The following SEMA6D variants were observed in gnomAD, a reference collection of about 807,000 sequenced individuals.
SEMA6D encodes semaphorin 6D.
In SEMA6D, 35 loss-of-function variants were observed where a neutral mutation model predicts 106.6. The observed-to-expected ratio is 0.33, with a 90% CI of 0.25 to 0.44. SEMA6D has a LOEUF of 0.44. Among genes scored for constraint, SEMA6D ranks in the 20% least tolerant of loss-of-function variants. The pLI is 1.00. For missense variants in SEMA6D, 1,185 were observed against 1,345.9 expected (o/e 0.88, Z 1.87); for synonymous variants, 499 against 487.7 (o/e 1.02, Z -0.31).
chr15:47,634,285 G>C (rs2077342205), intron 4 of SEMA6D, among the ~76,000 whole-genome samples: 1 of 152,154 alleles, frequency 6.6e-6, no homozygotes, highest in Non-Finnish European at 1.5e-5. Context: ...TGGTGCTGCT[G>C]ACCCTTCCTA....
intron 1 of SEMA6D, among the ~76,000 whole-genome samples, chr15:47,219,715 C>T (rs530516259): frequency 2.0e-5 from 3 of 152,340 alleles, no homozygotes; most frequent in East Asian, 3.9e-4. Context: ...GCTATTGCTA[C>T]ATAACAAACC....
At chr15:47,297,687 G>A (rs2035859717) in intron 1 of SEMA6D, among the ~76,000 whole-genome samples, 1 of 152,106 alleles carries the variant, frequency 6.6e-6, no homozygotes, top group African/African-American at 2.4e-5. Context: ...CACAAAATGA[G>A]TGTCCATTGT....
intron 1 of SEMA6D, among the ~76,000 whole-genome samples, chr15:47,372,846 G>A (rs187665899): frequency 1.9e-4 from 29 of 152,226 alleles, no homozygotes; most frequent in African/African-American, 6.5e-4. Context: ...AATTCTAGTC[G>A]ATAATCATAG....
chr15:47,356,743 A>G (rs1244785866), intron 1 of SEMA6D, among the ~76,000 whole-genome samples: 1 of 152,128 alleles, frequency 6.6e-6, no homozygotes, highest in African/African-American at 2.4e-5. Flanking sequence ...TCTTCTGTCA[A>G]GGCTGTCCAC....
intron 1 of SEMA6D, among the ~76,000 whole-genome samples, chr15:47,758,519 C>A (rs2081893279): frequency 6.6e-6 from 1 of 152,046 alleles, no homozygotes; most frequent in Non-Finnish European, 1.5e-5. Flanking sequence ...CCCAACAGGG[C>A]CCTAATTCAT....
chr15:47,552,900 A>ATTTT (rs1566883145), intron 3 of SEMA6D, among the ~76,000 whole-genome samples: 5 of 102,268 alleles, frequency 4.9e-5, no homozygotes, highest in South Asian at 5.6e-4. Context: ...AAATATATAT[A>ATTTT]TATATAAATA....
intron 4 of SEMA6D, among the ~76,000 whole-genome samples, chr15:47,693,454 A>G (rs1217868203): frequency 6.6e-6 from 1 of 152,166 alleles, no homozygotes; most frequent in Non-Finnish European, 1.5e-5. Flanking sequence ...TGGAAGGAAC[A>G]ATTAGATGGC....
intron 1 of SEMA6D, among the ~76,000 whole-genome samples, chr15:47,339,997 T>C (rs2037744707): frequency 6.6e-6 from 1 of 151,666 alleles, no homozygotes; most frequent in Non-Finnish European, 1.5e-5. Context: ...TTTTAGAGAG[T>C]ACTGTTTAAT....
intron 1 of SEMA6D, among the ~76,000 whole-genome samples, chr15:47,337,144 G>A (rs142921214): frequency 1.3e-3 from 198 of 152,192 alleles, no homozygotes; most frequent in African/African-American, 4.4e-3. Flanking sequence ...TCCAGTTTTG[G>A]AAAGTGACTG....
chr15:47,427,964 T>C (rs966008552), intron 2 of SEMA6D, among the ~76,000 whole-genome samples: 3 of 152,128 alleles, frequency 2.0e-5, no homozygotes, highest in East Asian at 3.9e-4. Context: ...TAGAATGGGG[T>C]ATACGAAACA....
intron 1 of SEMA6D, among the ~76,000 whole-genome samples, chr15:47,202,189 T>C (rs1894768776): frequency 6.6e-6 from 1 of 151,956 alleles, no homozygotes; most frequent in African/African-American, 2.4e-5. Flanking sequence ...CCATCAGGAA[T>C]GTTAGGCGAC....
intron 4 of SEMA6D, among the ~76,000 whole-genome samples, chr15:47,649,345 A>G (rs2144910459): frequency 6.6e-6 from 1 of 152,358 alleles, no homozygotes; most frequent in South Asian, 2.1e-4. Flanking sequence ...GAACTACACA[A>G]GCCACTGGGA....
chr15:47,743,190 A>G (rs934125659), intron 1 of SEMA6D, among the ~76,000 whole-genome samples: 2 of 152,204 alleles, frequency 1.3e-5, no homozygotes, highest in African/African-American at 4.8e-5. Flanking sequence ...AGATCTCACT[A>G]TGGTCACATC....
chr15:47,393,727 A>AG (rs2145856767), intron 1 of SEMA6D, among the ~76,000 whole-genome samples: 1 of 121,600 alleles, frequency 8.2e-6, no homozygotes, highest in African/African-American at 5.5e-5. Context: ...TCAAATTCTC[A>AG]TGCAGAAGGG....
Position 47,773,148 on chromosome 15 carries a change from A to C in SEMA6D, c.*1363A>C, listed in dbSNP as rs2082703805. On this transcript the variant is annotated 3_prime_UTR_variant, in exon 19 of 19. Coordinates refer to ENST00000536845, the MANE Select transcript of SEMA6D (RefSeq NM_001358351.3). Reference sequence around the variant, plus strand: ...TTTCAGTATAGCACATTATTTACTGAGTGCCAGTTGTAAATGTTTTTCAAC... The same window carrying C: ...TTTCAGTATAGCACATTATTTACTGCGTGCCAGTTGTAAATGTTTTTCAAC... 6.6e-6 allele frequency: 1 copy of C among 152,630 alleles called. No homozygotes were observed. The highest frequency in any genetic ancestry group is 2.4e-5 in the African/African-American group (1 of 41,448). 9.5% of individuals were successfully genotyped at this position (152,630 alleles called of 1,614,324 possible). A position where few individuals can be genotyped will look rare whatever the true frequency, so the allele number is the denominator to read the frequency against.
chr15:47,478,843 A>C (rs373573753), intron 3 of SEMA6D, among the ~76,000 whole-genome samples: 12 of 152,318 alleles, frequency 7.9e-5, no homozygotes, highest in African/African-American at 2.9e-4. Context: ...GGGAGTCCTT[A>C]TAGTCATGAC....
intron 1 of SEMA6D, among the ~76,000 whole-genome samples, chr15:47,192,690 G>A (rs555414505): frequency 2.6e-5 from 4 of 152,052 alleles, no homozygotes; most frequent in Non-Finnish European, 5.9e-5. Context: ...ATTGTACATA[G>A]AAATGACCAG....
At chr15:47,399,814 C>T (rs148696637) in intron 1 of SEMA6D, among the ~76,000 whole-genome samples, 202 of 152,208 alleles carry the variant, frequency 1.3e-3, no homozygotes, top group Middle Eastern at 3.4e-3. Flanking sequence ...GACAGAATGT[C>T]GGAAGAAAAG....
rs116989629 is a variant in SEMA6D, at chr15:47,528,123, G to A, written c.-87+57578G>A. Among the ~76,000 whole-genome samples, 956 of 152,250 alleles carry A rather than the reference G, an allele frequency of 6.3e-3. 4 individuals carry two copies. Among genetic ancestry groups the A allele is most frequent in the Non-Finnish European group, 9.7e-3 (661 of 68,016 alleles). The stretch of plus-strand genomic sequence containing the variant: ...TAAGGCACCTGGTTGATGTAATCCT[G>A]AGTCTCTGTTTTAAACTTTAATGTG... On this transcript the variant is annotated intron_variant, in intron 3 of 19. Transcript: ENST00000558014.
Sources: allele counts gnomAD v4.1 joint callset (sites outside exome capture counted in the v4.1 genomes callset), GRCh38; gene constraint gnomAD v4.1.1; transcripts MANE v1.5; gene names NCBI Gene and HGNC (gene_info 2026-07-23, HGNC 2026-07-21).